The following NFIA variants were observed in gnomAD, a reference collection of about 807,000 sequenced individuals.
NFIA encodes the protein nuclear factor I A.
Under a neutral mutation model 62.8 loss-of-function variants are expected in NFIA, and 8 were observed. The ratio of observed to expected loss-of-function variants is 0.13; its 90% CI spans 0.07 to 0.23. The LOEUF is 0.23. Among genes scored for constraint, NFIA ranks in the 10% least tolerant of loss-of-function variants. The pLI is 1.00. For missense variants in NFIA, 410 were observed against 642.1 expected, an observed-to-expected ratio of 0.64 and a Z score of 3.91; for synonymous variants, 235 against 238.1, an observed-to-expected ratio of 0.99 and a Z score of 0.12.
chr1:61,083,694 G>T lies in NFIA; in HGVS notation c.27+876G>T, dbSNP rs868647929. Among the ~76,000 whole-genome samples, 254 of 151,562 alleles carry T rather than the reference G, an allele frequency of 1.7e-3. 2 individuals are homozygous for T. Among genetic ancestry groups the T allele is most frequent in the Middle Eastern group, 0.01 (3 of 292 alleles). ...GGCCGCGGGCCGCGGGCCGGGTAGC[G>T]CCGGGCAGAGTTGGGCTCCTAGCCG... On this transcript the variant is annotated intron_variant, in intron 1 of 10. Transcript: ENST00000403491.
At chr1:61,235,516 T>TAA (rs200539366) in intron 2 of NFIA, among the ~76,000 whole-genome samples, 5,772 of 142,642 alleles carry the variant, frequency 0.04, 169 homozygotes, top group Non-Finnish European at 0.061. Flanking sequence ...AAATAAAAAA[T>TAA]AAAAAAAAAT....
At chr1:61,215,391 A>G (rs1653550282) in intron 2 of NFIA, among the ~76,000 whole-genome samples, 2 of 152,200 alleles carry the variant, frequency 1.3e-5, no homozygotes, top group Admixed American at 6.5e-5. Context: ...CAAAAACATT[A>G]AAATCACCCA....
At chr1:61,189,700 G>A (rs1340707476) in intron 2 of NFIA, among the ~76,000 whole-genome samples, 6 of 152,008 alleles carry the variant, frequency 3.9e-5, no homozygotes, top group Admixed American at 1.3e-4. Flanking sequence ...CATAGGTTGC[G>A]TCTCCAGCTT....
At chr1:61,077,669 G>A, upstream of NFIA, 2 of 1,372,476 alleles carry the variant, frequency 1.5e-6, no homozygotes, top group Non-Finnish European at 1.9e-6. Context: ...GCATTTATAT[G>A]ATATGCGTTT....
intron 2 of NFIA, among the ~76,000 whole-genome samples, chr1:61,223,195 A>G (rs1331439494): frequency 6.6e-6 from 1 of 152,064 alleles, no homozygotes; most frequent in Admixed American, 6.5e-5. Flanking sequence ...TCACTATTTA[A>G]AGAACATTTT....
At chr1:61,455,168 G>A (rs1039658154) in intron 10 of NFIA, 135 bp from the exon 11 acceptor site, 4 of 756,644 alleles carry the variant, frequency 5.3e-6, no homozygotes, top group South Asian at 1.6e-5. Context: ...ATTGTCTGTC[G>A]TGCCTTTACT....
intron 2 of NFIA, among the ~76,000 whole-genome samples, chr1:61,191,673 A>G (rs1319316037): frequency 6.6e-6 from 1 of 152,162 alleles, no homozygotes; most frequent in Non-Finnish European, 1.5e-5. Context: ...CAGCCTGGTG[A>G]TGCCATGGCA....
chr1:61,326,989 G>A (rs6694984), intron 3 of NFIA, among the ~76,000 whole-genome samples: 27,234 of 150,870 alleles, frequency 0.18, 2,606 homozygotes, highest in Middle Eastern at 0.29. Flanking sequence ...TACTCTGAAC[G>A]TTCTGTGGGG....
intron 2 of NFIA, among the ~76,000 whole-genome samples, chr1:61,228,002 C>A (rs1050766175): frequency 6.6e-6 from 1 of 152,198 alleles, no homozygotes; most frequent in South Asian, 2.1e-4. Flanking sequence ...TTTCCCTCTT[C>A]CCGGCTCAAT....
At chr1:61,267,466 A>G (rs1186223238) in intron 2 of NFIA, among the ~76,000 whole-genome samples, 1 of 152,060 alleles carries the variant, frequency 6.6e-6, no homozygotes, top group Non-Finnish European at 1.5e-5. Context: ...CCGAGATTGC[A>G]CCATTGCACT....
intron 4 of NFIA, 98 bp from the exon 5 acceptor site, chr1:61,352,352 G>A: frequency 1.2e-6 from 1 of 808,952 alleles, no homozygotes; most frequent in Admixed American, 2.2e-5. Context: ...ACATATAAAT[G>A]CAAAAAGAAA....
intron 6 of NFIA, among the ~76,000 whole-genome samples, chr1:61,381,993 T>C (rs1664440146): frequency 6.6e-6 from 1 of 152,196 alleles, no homozygotes; most frequent in Non-Finnish European, 1.5e-5. Flanking sequence ...TTTTATTACT[T>C]TTCCAGTTCA....
chr1:61,132,688 T>C (rs1647102281), intron 2 of NFIA: 1 of 152,184 alleles, frequency 6.6e-6, no homozygotes, highest in African/African-American at 2.4e-5. Context: ...ATCTGTTTCT[T>C]TTTCAGGAGG....
rs566204601 is a variant in NFIA, at chr1:61,151,450, G to T, written c.559+62770G>T. 4.6e-4 allele frequency among the ~76,000 whole-genome samples: 70 copies of T among 151,742 alleles called. 1 individual carries two copies. Among genetic ancestry groups the T allele is most frequent in the Admixed American group, 1.6e-3 (24 of 15,226 alleles). ...GATCCAATGTGCAGAGAAGGCTCAG[G>T]TTTTCATTTTAGTCTGCGGGTGATT... On this transcript the variant is annotated intron_variant, in intron 2 of 10. Coordinates refer to ENST00000403491, the MANE Select transcript of NFIA (RefSeq NM_001134673.4).
At chr1:61,207,706 C>T (rs1261654215) in intron 2 of NFIA, among the ~76,000 whole-genome samples, 1 of 152,170 alleles carries the variant, frequency 6.6e-6, no homozygotes, top group African/African-American at 2.4e-5. Context: ...AACAGCAAAG[C>T]GATTCATGAG....
At chr1:61,120,343 C>A (rs1390256694) in intron 2 of NFIA, among the ~76,000 whole-genome samples, 1 of 152,170 alleles carries the variant, frequency 6.6e-6, no homozygotes, top group Non-Finnish European at 1.5e-5. Context: ...TGGCACTCCT[C>A]CAGAATGTAG....
intron 2 of NFIA, among the ~76,000 whole-genome samples, chr1:61,219,443 G>A (rs1186591779): frequency 6.6e-6 from 1 of 151,976 alleles, no homozygotes; most frequent in Non-Finnish European, 1.5e-5. Flanking sequence ...AGCCGGGTGC[G>A]GTGGCTCACA....
intron 3 of NFIA, among the ~76,000 whole-genome samples, chr1:61,312,480 ATGT>A (rs1660169800): frequency 6.6e-6 from 1 of 151,628 alleles, no homozygotes. Flanking sequence ...CTTCTCCCCA[ATGT>A]TGTGACTTGG....
At chr1:61,284,782 C>T (rs779111401) in intron 3 of NFIA, among the ~76,000 whole-genome samples, 63 of 152,060 alleles carry the variant, frequency 4.1e-4, no homozygotes, top group Non-Finnish European at 6.6e-4. Context: ...ACATCTTCCC[C>T]TCCCCACTCC....
Sources: gnomAD v4.1 joint callset for allele counts (sites outside exome capture counted in the v4.1 genomes callset) on GRCh38, gnomAD v4.1.1 for gene constraint, MANE v1.5 for transcripts, NCBI Gene and HGNC (gene_info 2026-07-23, HGNC 2026-07-21) for gene names.